NBEAL1: variants seen among roughly 807,000 people sequenced by gnomAD.
The protein encoded by NBEAL1 is neurobeachin like 1, also known as neurobeachin-like protein 1.
A neutral mutation model predicts 351.3 loss-of-function variants in NBEAL1; 273 were observed. The observed-to-expected ratio is 0.78, with a 90% confidence interval of 0.70 to 0.86. NBEAL1 has a LOEUF of 0.86. NBEAL1 is among the 40% of genes least tolerant of loss of function. The probability of loss-of-function intolerance (pLI) is 0.00; values close to 1 mark genes in which losing one functional copy is unlikely to be tolerated. For synonymous variants in NBEAL1, 1,050 were observed against 1,086.4 expected, an observed-to-expected ratio of 0.97 and a Z score of 0.66; for missense variants, 2,961 against 3,201.3, an observed-to-expected ratio of 0.92 and a Z score of 1.81.
chr2:203,015,259 A>C (rs1400296938), intron 1 of NBEAL1, among the ~76,000 whole-genome samples: 1 of 152,144 alleles, frequency 6.6e-6, no homozygotes, highest in African/African-American at 2.4e-5. Flanking sequence ...GAGGAAATTA[A>C]AAGATTCCCC....
intron 33 of NBEAL1, among the ~76,000 whole-genome samples, chr2:203,145,612 A>G (rs928500408): frequency 2.6e-5 from 4 of 152,114 alleles, no homozygotes; most frequent in Non-Finnish European, 2.9e-5. Context: ...AGCCTGGCCA[A>G]CATGGCGAAA....
chr2:203,110,096 T>G lies in NBEAL1; in HGVS notation c.1950-54T>G, dbSNP rs2106238591. ...TTTATGGTTTTATGTACTTTAATGA[T>G]GATGAAACTGAACAACCAACTTTAA... On this transcript the variant is annotated intron_variant, in intron 14 of 55. Coordinates refer to ENST00000683969, the MANE Select transcript of NBEAL1 (RefSeq NM_001378026.1). 6.8e-6 allele frequency: 10 copies of G among 1,479,610 alleles called. No individual in the cohort carries two copies. In the South Asian group the frequency reaches 1.1e-4, roughly 16 times the overall value. 91.7% of individuals were successfully genotyped at this position (1,479,610 alleles called of 1,614,324 possible). A position where few individuals can be genotyped will look rare whatever the true frequency, so the allele number is the denominator to read the frequency against.
chr2:203,175,016 G>A (rs1407909845), intron 41 of NBEAL1, 131 bp from the exon 42 acceptor site: 1 of 758,516 alleles, frequency 1.3e-6, no homozygotes, highest in Non-Finnish European at 2.1e-6. Context: ...TGAATACAGA[G>A]TTTGATAATG....
chr2:203,097,259 G>C (rs2062204537), intron 10 of NBEAL1, among the ~76,000 whole-genome samples: 1 of 152,154 alleles, frequency 6.6e-6, no homozygotes, highest in Non-Finnish European at 1.5e-5. Context: ...TCAACTGTGA[G>C]ACATTCTCTG....
chr2:203,202,607 G>A, intron 50 of NBEAL1, 80 bp from the exon 51 acceptor site: 2 of 806,424 alleles, frequency 2.5e-6, no homozygotes, highest in South Asian at 1.4e-5. Flanking sequence ...GGAATAGTTT[G>A]AACATTAACA....
chr2:203,122,145 C>A, intron 18 of NBEAL1, 109 bp from the exon 19 acceptor site: 1 of 601,248 alleles, frequency 1.7e-6, no homozygotes. Context: ...GGCATCTTAT[C>A]TTTGACTATC....
chr2:203,136,477 G>C, intron 28 of NBEAL1, 122 bp from the exon 29 acceptor site: 1 of 811,592 alleles, frequency 1.2e-6, no homozygotes, highest in Non-Finnish European at 1.9e-6. Context: ...TAAAGTTCCA[G>C]GTTCATTAAG....
chr2:203,153,880 C>G (rs2063727414), intron 35 of NBEAL1, among the ~76,000 whole-genome samples: 1 of 152,150 alleles, frequency 6.6e-6, no homozygotes, highest in African/African-American at 2.4e-5. Context: ...TCGACACATG[C>G]ACACAGATGT....
rs1418124723 is a variant in NBEAL1 at position 203,219,007 on chromosome 2, A to G, written c.*1653A>G. On this transcript the variant is annotated 3_prime_UTR_variant, in exon 56 of 56. Coordinates refer to ENST00000683969, the MANE Select transcript of NBEAL1 (RefSeq NM_001378026.1). ...TTAAGACTTCAGGAATTTGTATTGA[A>G]CAAAGTCTCAAGTTAAGTAGCAATA... The G allele has an allele frequency of 6.6e-6, 1 of 152,190 alleles. No individual in the cohort carries two copies. The highest frequency in any genetic ancestry group is 1.5e-5 in the Non-Finnish European group (1 of 68,022). The allele number at this position is 152,190 out of a possible 1,614,324, so 9.4% of individuals were successfully genotyped here.
intron 42 of NBEAL1, 77 bp from the exon 43 acceptor site, chr2:203,180,305 G>A (rs1203637144): frequency 4.4e-6 from 6 of 1,348,596 alleles, no homozygotes; most frequent in Non-Finnish European, 6.1e-6. Context: ...AACCCTGAAG[G>A]GAGTTTAAAA....
At chr2:203,200,023 T>C (rs1407090775) in intron 49 of NBEAL1, among the ~76,000 whole-genome samples, 2 of 152,350 alleles carry the variant, frequency 1.3e-5, no homozygotes, top group Admixed American at 1.3e-4. Flanking sequence ...TGTTCTCACT[T>C]AAAGTGGTGT....
chr2:203,188,019 G>T (rs547302262), intron 44 of NBEAL1, among the ~76,000 whole-genome samples: 68 of 152,214 alleles, frequency 4.5e-4, no homozygotes, highest in African/African-American at 1.6e-3. Context: ...TTAGTAAGTG[G>T]TTATTGTGAG....
Position 203,217,708 on chromosome 2 carries a change from A to G in NBEAL1, c.*354A>G. On this transcript the variant is annotated 3_prime_UTR_variant, in exon 56 of 56. Coordinates refer to ENST00000683969, the MANE Select transcript of NBEAL1 (RefSeq NM_001378026.1). ...TGGGACAGTTGAGAGAGATGGCTTT[A>G]AATACATTCTTAAGTAATCATTTTC... The G allele has an allele frequency of 1.0e-6, 1 of 970,354 alleles. No individual in the cohort carries two copies. 60.1% of individuals were successfully genotyped at this position (970,354 alleles called of 1,614,324 possible). A position where few individuals can be genotyped will look rare whatever the true frequency, so the allele number is the denominator to read the frequency against.
chr2:203,026,197 G>T (rs1442890531), intron 2 of NBEAL1, among the ~76,000 whole-genome samples: 1 of 152,124 alleles, frequency 6.6e-6, no homozygotes, highest in Non-Finnish European at 1.5e-5. Context: ...GCTGAGACAT[G>T]TATATTTATG....
chr2:203,073,431 C>G (rs2061714588), intron 7 of NBEAL1, among the ~76,000 whole-genome samples: 1 of 152,176 alleles, frequency 6.6e-6, no homozygotes, highest in Non-Finnish European at 1.5e-5. Context: ...TCATTCCTGA[C>G]ATTGATAATT....
chr2:203,209,337 A>C lies in NBEAL1; in HGVS notation c.7785+15A>C, dbSNP rs7602883. 21 of 1,602,208 alleles carry C rather than the reference A, an allele frequency of 1.3e-5. No homozygotes were observed. The highest frequency in any genetic ancestry group is 1.8e-5 in the Non-Finnish European group (21 of 1,170,112). On this transcript the variant is annotated intron_variant, in intron 53 of 55. Coordinates refer to ENST00000683969, the MANE Select transcript of NBEAL1 (RefSeq NM_001378026.1). ...CCACCCTCAAGGTATATGACCTTTC[A>C]TGCAATAGAGGTAGACTCCCAATAG...
intron 3 of NBEAL1, among the ~76,000 whole-genome samples, chr2:203,045,001 G>A (rs1298489537): frequency 1.3e-5 from 2 of 152,054 alleles, no homozygotes; most frequent in Admixed American, 6.6e-5. Context: ...CCTAGAGGTG[G>A]GAAAATGCTT....
At chr2:203,209,711 A>ATGTGTG (rs1491566182) in intron 53 of NBEAL1, among the ~76,000 whole-genome samples, 15 of 32,942 alleles carry the variant, frequency 4.6e-4, no homozygotes, top group Non-Finnish European at 1.1e-3. Flanking sequence ...TATTTAATTA[A>ATGTGTG]TATGTGTGTG....
chr2:203,202,031 A>G (rs527469928), intron 50 of NBEAL1, among the ~76,000 whole-genome samples: 67 of 152,318 alleles, frequency 4.4e-4, no homozygotes, highest in African/African-American at 1.5e-3. Flanking sequence ...ATTAGATAAG[A>G]CATCAACTGC....
Sources: gnomAD v4.1 joint callset for allele counts (sites outside exome capture counted in the v4.1 genomes callset) on GRCh38, gnomAD v4.1.1 for gene constraint, MANE v1.5 for transcripts, NCBI Gene and HGNC (gene_info 2026-07-23, HGNC 2026-07-21) for gene names.